MARCHF5: variants seen among roughly 807,000 people sequenced by gnomAD.
MARCHF5 encodes membrane associated ring-CH-type finger 5, also known as E3 ubiquitin-protein ligase MARCHF5.
MARCHF5 carries 5 observed loss-of-function variants against 36.5 expected under a neutral mutation model. The observed-to-expected ratio is 0.14, with a 90% confidence interval of 0.07 to 0.29. MARCHF5 has a LOEUF of 0.29. Ranked by LOEUF, MARCHF5 falls within the 10% of genes least tolerant of loss-of-function variation. The pLI, the probability that MARCHF5 is intolerant of heterozygous loss-of-function variation, is 1.00. For missense variants in MARCHF5, 179 were observed against 336.3 expected, an observed-to-expected ratio of 0.53 and a Z score of 3.66; for synonymous variants, 103 against 109.9, an observed-to-expected ratio of 0.94 and a Z score of 0.39.
intron 1 of MARCHF5, among the ~76,000 whole-genome samples, chr10:92,299,320 A>T (rs1842985231): frequency 6.9e-6 from 1 of 144,846 alleles, no homozygotes; most frequent in African/African-American, 2.4e-5. Context: ...ACGTAAAAGG[A>T]TAAAACGTAA....
chr10:92,311,741 A>G (rs563429847), intron 2 of MARCHF5, among the ~76,000 whole-genome samples: 30 of 152,340 alleles, frequency 2.0e-4, no homozygotes, highest in South Asian at 6.2e-4. Flanking sequence ...CTTTTAAGGA[A>G]TAAAAGTAGA....
At chr10:92,319,942 G>GGTCCCCAGC in intron 2 of MARCHF5, among the ~76,000 whole-genome samples, 1 of 131,120 alleles carries the variant, frequency 7.6e-6, no homozygotes, top group African/African-American at 2.9e-5. Context: ...GTGAGCCACT[G>GGTCCCCAGC]CACCTGGCCA....
At chr10:92,302,642 C>T (rs1301652722) in intron 1 of MARCHF5, among the ~76,000 whole-genome samples, 4 of 152,086 alleles carry the variant, frequency 2.6e-5, no homozygotes, top group African/African-American at 9.7e-5. Context: ...CGGGGTTTCT[C>T]TATGTTGGTC....
chr10:92,328,950 G>T (rs1367199338), intron 2 of MARCHF5, among the ~76,000 whole-genome samples: 1 of 151,680 alleles, frequency 6.6e-6, no homozygotes, highest in East Asian at 1.9e-4. Flanking sequence ...GGTGTTATCA[G>T]CCTGATCCAT....
In MARCHF5 at chr10:92,328,821, A is replaced by ATTT. The variant is rs34713388; in HGVS notation, c.239-11840_239-11838dup. Among the ~76,000 whole-genome samples the ATTT allele has an allele frequency of 4.5e-3, 552 of 122,386 alleles. 5 individuals carry two copies. The highest frequency in any genetic ancestry group is 0.012 in the African/African-American group (377 of 31,694). 80.3% of individuals were successfully genotyped at this position (122,386 alleles called of 152,430 possible). On this transcript the variant is annotated intron_variant, in intron 2 of 5. Transcript: ENST00000358935. ...GGTTATTATATATATATATATATAT[A>ATTT]TTTTTTTTTTTTTTACAGGAATATC...
At chr10:92,311,621 T>C (rs1371913207) in intron 2 of MARCHF5, among the ~76,000 whole-genome samples, 1 of 152,036 alleles carries the variant, frequency 6.6e-6, no homozygotes, top group Non-Finnish European at 1.5e-5. Flanking sequence ...ATAACAAAGC[T>C]CTAATAAAAA....
chr10:92,341,853 C>T (rs569985286), intron 3 of MARCHF5, among the ~76,000 whole-genome samples: 1 of 140,030 alleles, frequency 7.1e-6, no homozygotes, highest in South Asian at 2.4e-4. Flanking sequence ...TGTGGTGGCA[C>T]AGTCATGGCT....
At chr10:92,342,837 T>G (rs1035877434) in intron 3 of MARCHF5, among the ~76,000 whole-genome samples, 20 of 152,190 alleles carry the variant, frequency 1.3e-4, no homozygotes, top group African/African-American at 4.8e-4. Context: ...AGAATTTACA[T>G]GAACAAAAAA....
In MARCHF5 at chr10:92,306,212, A is replaced by G. The variant is rs543917413; in HGVS notation, c.36-4923A>G. ...TTAGTTGGTGGCTCTCCTGTCAGCAATAGCCTCACATTCTCTGCTTCTAAG... is the reference window on the plus strand; with the variant it reads ...TTAGTTGGTGGCTCTCCTGTCAGCAGTAGCCTCACATTCTCTGCTTCTAAG... On this transcript the variant is annotated intron_variant, in intron 1 of 5. Transcript: ENST00000358935. Among the ~76,000 whole-genome samples the G allele has an allele frequency of 9.2e-5, 14 of 152,296 alleles. No homozygotes were observed. In the East Asian group the frequency reaches 2.7e-3, roughly 29 times the overall value.
At chr10:92,304,092 G>A (rs750403152) in intron 1 of MARCHF5, among the ~76,000 whole-genome samples, 6 of 152,348 alleles carry the variant, frequency 3.9e-5, no homozygotes, top group Non-Finnish European at 8.8e-5. Context: ...AAGATCTTAA[G>A]TAGTGGCGTG....
chr10:92,301,890 C>A (rs1843018302), intron 1 of MARCHF5, among the ~76,000 whole-genome samples: 1 of 152,154 alleles, frequency 6.6e-6, no homozygotes, highest in South Asian at 2.1e-4. Flanking sequence ...GAAACCCCAT[C>A]TCTACTAAAA....
rs754278925 is a variant in MARCHF5, at chr10:92,317,575, G to T, written c.238+6238G>T. 1.6e-3 allele frequency among the ~76,000 whole-genome samples: 241 copies of T among 151,888 alleles called. 1 individual carries two copies. Among genetic ancestry groups the T allele is most frequent in the Non-Finnish European group, 2.4e-3 (161 of 67,926 alleles). On this transcript the variant is annotated intron_variant, in intron 2 of 5. Coordinates refer to ENST00000358935, the MANE Select transcript of MARCHF5 (RefSeq NM_017824.5). ...ATGTAGAATACAATTTTTGTTTTCT[G>T]TCTTGGAACACAATCAGCAACAATT...
intron 3 of MARCHF5, among the ~76,000 whole-genome samples, chr10:92,345,171 G>GT (rs1843626449): frequency 7.0e-6 from 1 of 141,942 alleles, no homozygotes; most frequent in African/African-American, 3.0e-5. Context: ...TTGATTCTGA[G>GT]TTAAAAAAAA....
chr10:92,324,050 T>C (rs1233757001), intron 2 of MARCHF5, among the ~76,000 whole-genome samples: 1 of 152,240 alleles, frequency 6.6e-6, no homozygotes, highest in Non-Finnish European at 1.5e-5. Flanking sequence ...TTCCTGTTGC[T>C]CCACATCCTT....
intron 1 of MARCHF5, among the ~76,000 whole-genome samples, chr10:92,303,622 T>A (rs190771848): frequency 1.1e-4 from 16 of 152,164 alleles, no homozygotes; most frequent in Admixed American, 2.6e-4. Context: ...AATGTACTTA[T>A]TAGGTACTCA....
Position 92,349,926 on chromosome 10 carries a change from C to T in MARCHF5, c.720+89C>T, listed in dbSNP as rs527577654. 41 of 1,039,516 alleles carry T rather than the reference C, an allele frequency of 3.9e-5. No homozygotes were observed. The African/African-American group carries it at 5.1e-4, about 13-fold the overall frequency. 64.4% of individuals were successfully genotyped at this position (1,039,516 alleles called of 1,614,324 possible). On this transcript the variant is annotated intron_variant, in intron 5 of 5. Coordinates refer to ENST00000358935, the MANE Select transcript of MARCHF5 (RefSeq NM_017824.5). ...AAAGGTGGGGAACTGTATAAATATT[C>T]GGTCTGTGGCTCCTATGCATTAAGC...
At chr10:92,316,148 A>G (rs942461880) in intron 2 of MARCHF5, among the ~76,000 whole-genome samples, 1 of 152,200 alleles carries the variant, frequency 6.6e-6, no homozygotes, top group African/African-American at 2.4e-5. Context: ...ATCTCTATGC[A>G]GCAGATTTTG....
chr10:92,339,293 C>G (rs1439498038), intron 2 of MARCHF5, among the ~76,000 whole-genome samples: 3 of 152,042 alleles, frequency 2.0e-5, no homozygotes, highest in Non-Finnish European at 4.4e-5. Flanking sequence ...TCACTTGAGC[C>G]CAGGAGGCGG....
chr10:92,350,430 G>T (rs1843703011), intron 5 of MARCHF5: 1 of 152,672 alleles, frequency 6.5e-6, no homozygotes, highest in East Asian at 1.9e-4. Context: ...CTTGCCTCTA[G>T]TGGACAAGGG....
Sources: allele counts gnomAD v4.1 joint callset (sites outside exome capture counted in the v4.1 genomes callset), GRCh38; gene constraint gnomAD v4.1.1; transcripts MANE v1.5; gene names NCBI Gene and HGNC (gene_info 2026-07-23, HGNC 2026-07-21).